Variants in BAG4 observed in about 807,000 individuals in gnomAD.
BAG4 encodes the protein BAG family molecular chaperone regulator 4.
In BAG4, 28 loss-of-function variants were observed where a neutral mutation model predicts 52.1. The ratio of observed to expected loss-of-function variants is 0.54; its 90% CI spans 0.40 to 0.74. The LOEUF (loss-of-function observed/expected upper bound fraction) is 0.74, where lower values mean the gene tolerates loss of function less well. Among genes scored for constraint, BAG4 ranks in the 30% least tolerant of loss-of-function variants. The pLI is 0.00. For missense variants in BAG4, 525 were observed against 572.0 expected, an observed-to-expected ratio of 0.92 and a Z score of 0.84; for synonymous variants, 208 against 217.0, an observed-to-expected ratio of 0.96 and a Z score of 0.37.
intron 2 of BAG4, among the ~76,000 whole-genome samples, chr8:38,203,234 C>T (rs1480910294): frequency 2.0e-5 from 3 of 150,952 alleles, no homozygotes; most frequent in African/African-American, 7.3e-5. Flanking sequence ...CATTGCTAAG[C>T]GAGTGTTCTT....
At chr8:38,196,073 C>G (rs896199722) in intron 2 of BAG4, among the ~76,000 whole-genome samples, 12 of 152,100 alleles carry the variant, frequency 7.9e-5, no homozygotes, top group Non-Finnish European at 1.8e-4. Flanking sequence ...CAGGATATAC[C>G]AAATTTCATC....
chr8:38,200,018 T>C (rs1362897835), intron 2 of BAG4, among the ~76,000 whole-genome samples: 1 of 151,920 alleles, frequency 6.6e-6, no homozygotes, highest in East Asian at 1.9e-4. Flanking sequence ...CCTTTTTTTT[T>C]TTTTTGAAAC....
chr8:38,197,355 A>G (rs1309378535), intron 2 of BAG4, among the ~76,000 whole-genome samples: 9 of 152,250 alleles, frequency 5.9e-5, no homozygotes, highest in Admixed American at 5.9e-4. Flanking sequence ...AAACCTGTAC[A>G]GCATGTTACT....
chr8:38,208,350 C>T (rs1199962521), intron 3 of BAG4, among the ~76,000 whole-genome samples: 3 of 144,446 alleles, frequency 2.1e-5, no homozygotes, highest in African/African-American at 7.7e-5. Flanking sequence ...CGCTCTGTCG[C>T]CCAGGCTGGA....
At chr8:38,209,866 T>G in intron 4 of BAG4, 142 bp from the exon 5 acceptor site, 1 of 1,188,218 alleles carries the variant, frequency 8.4e-7, no homozygotes, top group Non-Finnish European at 1.2e-6. Flanking sequence ...TGCAAATGAT[T>G]AAGGAGAGGG....
chr8:38,191,016 C>T (rs1417305747), intron 1 of BAG4, among the ~76,000 whole-genome samples: 2 of 152,168 alleles, frequency 1.3e-5, no homozygotes, highest in Non-Finnish European at 2.9e-5. Context: ...CGTCAGGCCT[C>T]CCAAAGTGGT....
At chr8:38,197,391 A>G (rs912769244) in intron 2 of BAG4, among the ~76,000 whole-genome samples, 1 of 152,230 alleles carries the variant, frequency 6.6e-6, no homozygotes, top group Admixed American at 6.5e-5. Flanking sequence ...AGCAATTGTA[A>G]CACCATGGTT....
chr8:38,209,412 C>T (rs1303244165), intron 4 of BAG4, 145 bp downstream of exon 4: 7 of 1,061,376 alleles, frequency 6.6e-6, no homozygotes, highest in South Asian at 4.1e-5. Context: ...TACCTCAGCT[C>T]GGTTTCCTTT....
intron 2 of BAG4, among the ~76,000 whole-genome samples, chr8:38,195,154 T>C (rs1038213334): frequency 6.6e-6 from 1 of 151,680 alleles, no homozygotes; most frequent in African/African-American, 2.4e-5. Context: ...GCACCTGGCT[T>C]TTGTTTGTTT....
At chr8:38,191,756 G>C (rs1803477665) in intron 1 of BAG4, among the ~76,000 whole-genome samples, 1 of 101,370 alleles carries the variant, frequency 9.9e-6, no homozygotes, top group Non-Finnish European at 1.8e-5. Flanking sequence ...GCGAAACTCT[G>C]TCTCAAAAAA....
intron 2 of BAG4, chr8:38,201,880 ATTTTTTTTTTTTT>A (rs869085692): frequency 1.3e-4 from 1 of 7,562 alleles, no homozygotes; most frequent in Admixed American, 3.0e-3. Context: ...ATATATATAT[ATTTTTTTTTTTTT>A]TTTTTTTTTT....
At chr8:38,180,699 T>C (rs1803249309) in intron 1 of BAG4, among the ~76,000 whole-genome samples, 1 of 152,052 alleles carries the variant, frequency 6.6e-6, no homozygotes, top group Non-Finnish European at 1.5e-5. Context: ...TCAAAAAGTG[T>C]GGTCCATGGA....
chr8:38,180,551 T>TA (rs1803247179), intron 1 of BAG4, among the ~76,000 whole-genome samples: 1 of 111,122 alleles, frequency 9.0e-6, no homozygotes, highest in African/African-American at 3.4e-5. Flanking sequence ...AAAAAAAAGA[T>TA]ATGCATGTTG....
chr8:38,183,528 C>T (rs993215225), intron 1 of BAG4, among the ~76,000 whole-genome samples: 12 of 152,266 alleles, frequency 7.9e-5, no homozygotes, highest in East Asian at 3.9e-4. Flanking sequence ...ATCAGACAGA[C>T]GGAAAGCATA....
chr8:38,209,058 C>G lies in BAG4; in HGVS notation c.679C>G (p.Arg227Gly). 1 of 1,614,162 alleles carries G rather than the reference C, an allele frequency of 6.2e-7. No homozygotes were observed. Among genetic ancestry groups the G allele is most frequent in the East Asian group, 2.2e-5 (1 of 44,882 alleles). ...CCATTATCCTTATGGAGATGGTAAT[C>G]GTAGTGTTCCACAATCAGGACCGAC... Reference protein sequence around the residue: ...LPHYPYGDGNRSVPQSGPTVR... With the variant: ...LPHYPYGDGNGSVPQSGPTVR... Residue 227 changes from arginine (R) to glycine (G), a missense_variant, in exon 4 of 5, where the codon CGT (arginine) becomes GGT (glycine). By Grantham distance (125) the Arg-to-Gly change is moderately radical. Around this residue, in one of 2 missense-constraint regions of BAG4, gnomAD observed 238 missense variants for 305.8 expected, o/e 0.78. Coordinates refer to ENST00000287322, the MANE Select transcript of BAG4 (RefSeq NM_004874.4).
intron 1 of BAG4, among the ~76,000 whole-genome samples, chr8:38,185,479 G>A (rs1455392729): frequency 6.6e-6 from 1 of 152,206 alleles, no homozygotes; most frequent in Non-Finnish European, 1.5e-5. Context: ...CTAGTCCCCA[G>A]TGAAACTGGT....
At position 38,189,505 on chromosome 8, in the gene BAG4, AAAC is replaced by A. The variant is rs199615928; in HGVS notation, c.271-3177_271-3175del. Among the ~76,000 whole-genome samples the A allele has an allele frequency of 6.5e-3, 996 of 152,338 alleles. 10 individuals are homozygous for A. Among genetic ancestry groups the A allele is most frequent in the African/African-American group, 0.021 (890 of 41,576 alleles). Reference sequence around the variant, plus strand: ...GCATTAATTGACTTTTCCTATACTGAAACAACAATTCCAGAATTTTAGTAGCTT... The same window carrying A: ...GCATTAATTGACTTTTCCTATACTGAAACAATTCCAGAATTTTAGTAGCTT... On this transcript the variant is annotated intron_variant, in intron 1 of 4. Transcript: ENST00000287322.
chr8:38,190,683 A>G (rs568347449), intron 1 of BAG4, among the ~76,000 whole-genome samples: 18 of 150,204 alleles, frequency 1.2e-4, no homozygotes, highest in African/African-American at 3.4e-4. Flanking sequence ...GCCCCAAGCA[A>G]TCCTCTTGCC....
At chr8:38,185,750 A>G (rs1803355486) in intron 1 of BAG4, among the ~76,000 whole-genome samples, 1 of 152,148 alleles carries the variant, frequency 6.6e-6, no homozygotes, top group African/African-American at 2.4e-5. Flanking sequence ...TTTTTAGTAG[A>G]GACAGGGTTT....
Sources: allele counts gnomAD v4.1 joint callset (sites outside exome capture counted in the v4.1 genomes callset), GRCh38; gene constraint gnomAD v4.1.1; regional missense constraint gnomAD v4.1.1; transcripts MANE v1.5; gene names NCBI Gene and HGNC (gene_info 2026-07-23, HGNC 2026-07-21).